AIG1: variants seen among roughly 807,000 people sequenced by gnomAD.
The protein encoded by AIG1 is androgen induced 1, also known as androgen-induced gene 1 protein.
A neutral mutation model predicts 31.4 loss-of-function variants in AIG1; 23 were observed. The ratio of observed to expected loss-of-function variants is 0.73; its 90% CI spans 0.53 to 1.04. The LOEUF is 1.04. Ranked by LOEUF, AIG1 falls within the 50% of genes least tolerant of loss-of-function variation. The pLI, the probability that AIG1 is intolerant of heterozygous loss-of-function variation, is 0.00. For synonymous variants in AIG1, 100 were observed against 110.5 expected (o/e 0.90, Z 0.60); for missense variants, 274 against 295.0 (o/e 0.93, Z 0.52).
At chr6:143,186,876 C>T (rs1314466723) in intron 3 of AIG1, 1 of 162,244 alleles carries the variant, frequency 6.2e-6, no homozygotes, top group Non-Finnish European at 1.3e-5. Context: ...CTGAGCTCTA[C>T]TCATAGGAAA....
chr6:143,110,589 A>T (rs1781178834), intron 1 of AIG1, among the ~76,000 whole-genome samples: 1 of 152,226 alleles, frequency 6.6e-6, no homozygotes, highest in African/African-American at 2.4e-5. Context: ...GTATAAAAGC[A>T]AAATCTTCCT....
At chr6:143,190,079 C>T (rs1159337248) in intron 3 of AIG1, 1 of 697,068 alleles carries the variant, frequency 1.4e-6, no homozygotes, top group Non-Finnish European at 1.8e-6. Flanking sequence ...GGATTCCACC[C>T]CAGTGACCTA....
chr6:143,127,880 G>C (rs1237071275), intron 1 of AIG1, among the ~76,000 whole-genome samples: 1 of 152,050 alleles, frequency 6.6e-6, no homozygotes, highest in Non-Finnish European at 1.5e-5. Flanking sequence ...TAGAGATGGA[G>C]TTTTACCATG....
chr6:143,064,133 CTG>C (rs749460687), intron 1 of AIG1, among the ~76,000 whole-genome samples: 17 of 152,234 alleles, frequency 1.1e-4, no homozygotes, highest in Non-Finnish European at 2.2e-4. Context: ...TGCCAGGAAC[CTG>C]TGAATACATT....
chr6:143,225,644 AG>A (rs1396079369), intron 3 of AIG1, among the ~76,000 whole-genome samples: 1 of 152,202 alleles, frequency 6.6e-6, no homozygotes, highest in African/African-American at 2.4e-5. Flanking sequence ...TGCCTAAAAG[AG>A]GCAGCTTATT....
intron 3 of AIG1, among the ~76,000 whole-genome samples, chr6:143,200,489 C>T (rs1583489575): frequency 6.6e-6 from 1 of 152,156 alleles, no homozygotes; most frequent in East Asian, 1.9e-4. Flanking sequence ...TTCTCCCTCA[C>T]TCTAAGCTTC....
In AIG1 at chr6:143,293,679, C is replaced by T. The variant is rs1798213872; in HGVS notation, c.515+9454C>T. 6.6e-6 allele frequency among the ~76,000 whole-genome samples: 1 copy of T among 152,190 alleles called. No individual in the cohort carries two copies. The highest frequency in any genetic ancestry group is 2.4e-5 in the African/African-American group (1 of 41,436). On this transcript the variant is annotated intron_variant, in intron 4 of 5. Coordinates refer to ENST00000357847, the MANE Select transcript of AIG1 (RefSeq NM_016108.4). This position sits in a 1 kb window ranked among gnomAD's most constrained non-coding sequence, Gnocchi z 4.8. The stretch of plus-strand genomic sequence containing the variant: ...TCTCCTACCCCCAACAGCTGGTTCT[C>T]AGACATTCTGGGAGTACATGAAGAA...
chr6:143,189,942 T>C, intron 3 of AIG1: 1 of 643,034 alleles, frequency 1.6e-6, no homozygotes, highest in Non-Finnish European at 1.9e-6. Flanking sequence ...GCCAGCATGG[T>C]TGGGTTCTGA....
chr6:143,278,987 G>C lies in AIG1; in HGVS notation c.400-5123G>C, dbSNP rs560283556. On this transcript the variant is annotated intron_variant, in intron 3 of 5. Coordinates refer to ENST00000357847, the MANE Select transcript of AIG1 (RefSeq NM_016108.4). ...ATTTAAGAAAAATGTGAGTGAATTG[G>C]GTGAGAACTTTAAAAAAAAAATCAA... 1.4e-4 allele frequency among the ~76,000 whole-genome samples: 21 copies of C among 151,976 alleles called. 1 individual carries two copies. The South Asian group carries it at 4.4e-3, about 32-fold the overall frequency.
At chr6:143,215,125 A>G (rs1791926725) in intron 3 of AIG1, among the ~76,000 whole-genome samples, 1 of 152,190 alleles carries the variant, frequency 6.6e-6, no homozygotes, top group Non-Finnish European at 1.5e-5. Flanking sequence ...TGTTGAATTA[A>G]TGAATTGATC....
intron 3 of AIG1, chr6:143,190,518 A>G (rs1314175010): frequency 1.0e-6 from 1 of 984,888 alleles, no homozygotes; most frequent in Non-Finnish European, 1.2e-6. Context: ...TCAGAATTTC[A>G]TTGTCCTGTT....
rs9484729 is a variant in AIG1 at position 143,332,393 on chromosome 6, G to A, written c.516-889G>A. ...ATGTCAGGACCAAGCCAATGGAGCC[G>A]ATATTCTAACTAAACTTTTGAAAGC... On this transcript the variant is annotated intron_variant, in intron 4 of 5. Coordinates refer to ENST00000357847, the MANE Select transcript of AIG1 (RefSeq NM_016108.4). Among the ~76,000 whole-genome samples, 459 of 152,282 alleles carry A rather than the reference G, an allele frequency of 3.0e-3. 3 individuals carry two copies. Among genetic ancestry groups the A allele is most frequent in the African/African-American group, 0.01 (417 of 41,550 alleles).
At position 143,328,054 on chromosome 6, in the gene AIG1, T is replaced by G. The variant is rs572504647; in HGVS notation, c.516-5228T>G. Reference sequence around the variant, plus strand: ...TGAGAATGCATAAGAGAAAACAGTTTGGAAACCAAGATTTAAGCAAATCCA... The same window carrying G: ...TGAGAATGCATAAGAGAAAACAGTTGGGAAACCAAGATTTAAGCAAATCCA... On this transcript the variant is annotated intron_variant, in intron 4 of 5. Coordinates refer to ENST00000357847, the MANE Select transcript of AIG1 (RefSeq NM_016108.4). This position sits in a 1 kb window ranked among gnomAD's most constrained non-coding sequence, Gnocchi z 4.0. 3.3e-5 allele frequency among the ~76,000 whole-genome samples: 5 copies of G among 152,324 alleles called. No individual in the cohort carries two copies. The highest frequency in any genetic ancestry group is 1.2e-4 in the African/African-American group (5 of 41,582).
chr6:143,268,701 A>G lies in AIG1; in HGVS notation c.400-15409A>G, dbSNP rs947412234. Among the ~76,000 whole-genome samples the G allele has an allele frequency of 1.4e-4, 21 of 152,326 alleles. No homozygotes were observed. The highest frequency in any genetic ancestry group is 8.3e-4 in the South Asian group (4 of 4,828). On this transcript the variant is annotated intron_variant, in intron 3 of 5. Transcript: ENST00000357847. The surrounding 1 kb of genome is among the most constrained non-coding windows in gnomAD (Gnocchi z 5.0). ...AGAATCTGTTAACTGTAGGTATGCC[A>G]TCTATGGATTTTAAAATCAGAGGTT...
intron 3 of AIG1, among the ~76,000 whole-genome samples, chr6:143,277,308 A>C (rs1028575643): frequency 1.3e-5 from 2 of 152,206 alleles, no homozygotes; most frequent in Non-Finnish European, 2.9e-5. Context: ...ATAGCTTTTC[A>C]TACTATTCTT....
intron 2 of AIG1, among the ~76,000 whole-genome samples, chr6:143,150,386 T>G (rs118004925): frequency 0.027 from 4,157 of 152,268 alleles, 71 homozygotes; most frequent in Middle Eastern, 0.092. Flanking sequence ...TCTGGCAAGT[T>G]CTGTTATATA....
chr6:143,160,502 G>A (rs1397386302), intron 2 of AIG1, among the ~76,000 whole-genome samples: 3 of 152,166 alleles, frequency 2.0e-5, no homozygotes, highest in African/African-American at 7.2e-5. Flanking sequence ...AAGTGACTGT[G>A]CTCCTTCCAC....
chr6:143,117,966 A>C (rs1258755903), intron 1 of AIG1, among the ~76,000 whole-genome samples: 1 of 152,206 alleles, frequency 6.6e-6, no homozygotes, highest in African/African-American at 2.4e-5. Context: ...TTCAGGCACA[A>C]AGATAATTTG....
At chr6:143,231,823 T>C (rs1256721862) in intron 3 of AIG1, among the ~76,000 whole-genome samples, 1 of 152,208 alleles carries the variant, frequency 6.6e-6, no homozygotes, top group Admixed American at 6.5e-5. Context: ...AATAGCTACA[T>C]GCATGTTGTA....
Sources: gnomAD v4.1 joint callset for allele counts (sites outside exome capture counted in the v4.1 genomes callset) on GRCh38, gnomAD v4.1.1 for gene constraint, Gnocchi (gnomAD v3.1) non-coding constraint, MANE v1.5 for transcripts, NCBI Gene and HGNC (gene_info 2026-07-23, HGNC 2026-07-21) for gene names.